TGM6: variants seen among roughly 807,000 people sequenced by gnomAD.
TGM6 encodes transglutaminase 6.
In TGM6, 74 loss-of-function variants were observed where a neutral mutation model predicts 77.5. The ratio of observed to expected loss-of-function variants is 0.96; its 90% confidence interval spans 0.79 to 1.16. The LOEUF is 1.16. TGM6 is among the 50% of genes most tolerant of loss of function. The pLI is 0.00. For missense variants in TGM6, 968 were observed against 940.2 expected (o/e 1.03, Z -0.39); for synonymous variants, 383 against 378.9 (o/e 1.01, Z -0.12).
intron 3 of TGM6, 117 bp from the exon 4 acceptor site, chr20:2,396,389 C>A: frequency 9.9e-7 from 1 of 1,010,738 alleles, no homozygotes; most frequent in Non-Finnish European, 1.6e-6. Context: ...CTCTTGACCT[C>A]TCCTGCCCCA....
intron 4 of TGM6, among the ~76,000 whole-genome samples, chr20:2,396,920 G>A (rs941600294): frequency 6.6e-6 from 1 of 152,186 alleles, no homozygotes; most frequent in Non-Finnish European, 1.5e-5. Context: ...CAGAATCCCA[G>A]GAGGGATGGC....
chr20:2,403,432 G>T lies in TGM6; in HGVS notation c.1025G>T (p.Arg342Leu). The change falls in exon 8 of 13, where the codon CGG becomes CTG. Residue 342 changes from arginine (R) to leucine (L), a missense_variant. By Grantham distance (102) the Arg-to-Leu change is moderately radical. Transcript: ENST00000202625. ...GTCTGGAATGAGAGCTGGTTTGCCC[G>T]GCAGGACCTAGGCCCCTCTTACAAT... ...FHVWNESWFA[R>L]QDLGPSYNGW... 1 of 1,614,092 alleles carries T rather than the reference G, an allele frequency of 6.2e-7. No individual in the cohort carries two copies.
At chr20:2,393,471 G>C (rs551890973) in intron 1 of TGM6, among the ~76,000 whole-genome samples, 1 of 152,294 alleles carries the variant, frequency 6.6e-6, no homozygotes, top group South Asian at 2.1e-4. Flanking sequence ...GAACATTCAG[G>C]CATGAACTAT....
At chr20:2,384,920 T>C (rs1279011487) in intron 1 of TGM6, among the ~76,000 whole-genome samples, 1 of 149,256 alleles carries the variant, frequency 6.7e-6, no homozygotes, top group Non-Finnish European at 1.5e-5. Context: ...TCATCCTGCA[T>C]ACCCCAAGGG....
intron 10 of TGM6, among the ~76,000 whole-genome samples, chr20:2,417,904 G>C (rs1276465414): frequency 6.6e-6 from 1 of 152,174 alleles, no homozygotes; most frequent in East Asian, 1.9e-4. Context: ...AGCATATATG[G>C]AATATGCCAT....
chr20:2,406,714 A>G (rs1416897609), intron 9 of TGM6, among the ~76,000 whole-genome samples: 2 of 151,478 alleles, frequency 1.3e-5, no homozygotes, highest in African/African-American at 4.8e-5. Flanking sequence ...CCATGCCTGT[A>G]ATCCCAGCTA....
At chr20:2,384,085 C>A (rs9679998) in intron 1 of TGM6, among the ~76,000 whole-genome samples, 1 of 133,300 alleles carries the variant, frequency 7.5e-6, no homozygotes, top group East Asian at 2.2e-4. Flanking sequence ...CCAGCCTGGG[C>A]GACAGAGTGA....
intron 10 of TGM6, among the ~76,000 whole-genome samples, chr20:2,419,805 G>A (rs1358768987): frequency 2.0e-5 from 3 of 152,004 alleles, no homozygotes; most frequent in Non-Finnish European, 4.4e-5. Context: ...TTTCTTTTAG[G>A]TAGTTATCAG....
chr20:2,395,298 ACT>A lies in TGM6; in HGVS notation c.289_290del (p.Leu97AspfsTer86), dbSNP rs764042831. 72 of 1,613,872 alleles carry A rather than the reference ACT, an allele frequency of 4.5e-5. 2 individuals carry two copies. The South Asian group carries it at 7.1e-4, about 16-fold the overall frequency. On this transcript the variant is annotated frameshift_variant, in exon 3 of 13. Transcript: ENST00000202625. LOFTEE classifies it high-confidence loss of function. ...AGCAAGGGAGGCTCAGATGGAGAAA[ACT>A]CTGACCGTCAGTCTCGCCAGCCCTC... ...TAAREAQMEK[T>X]LTVSLASPPS...
intron 9 of TGM6, among the ~76,000 whole-genome samples, chr20:2,412,779 C>A (rs2084792304): frequency 6.6e-6 from 1 of 151,954 alleles, no homozygotes; most frequent in Non-Finnish European, 1.5e-5. Context: ...AATCCATTTA[C>A]AATAGCATCA....
Position 2,430,946 on chromosome 20 carries a change from TC to T in TGM6, c.1887del (p.Asn630ThrfsTer4), listed in dbSNP as rs1465824933. On this transcript the variant is annotated frameshift_variant, in exon 12 of 13. Transcript: ENST00000202625. LOFTEE classifies it high-confidence loss of function. ...GVAVTVEVTV[V>X]NPLIERVKDC... ...GCAGTTACAGTGGAAGTGACAGTAGTCAACCCCCTCATAGAGAGAGTGAAGG... is the reference window on the plus strand; with the variant it reads ...GCAGTTACAGTGGAAGTGACAGTAGTAACCCCCTCATAGAGAGAGTGAAGG... The T allele has an allele frequency of 1.9e-6, 3 of 1,613,994 alleles. No individual in the cohort carries two copies. The African/African-American group carries it at 4.0e-5, about 22-fold the overall frequency.
chr20:2,428,157 T>C (rs1433403339), intron 10 of TGM6, among the ~76,000 whole-genome samples: 2 of 152,210 alleles, frequency 1.3e-5, no homozygotes, highest in Non-Finnish European at 2.9e-5. Context: ...CAGAATGTGA[T>C]CCTTTTTGGT....
chr20:2,388,350 G>A (rs1038852417), intron 1 of TGM6, among the ~76,000 whole-genome samples: 10 of 152,164 alleles, frequency 6.6e-5, no homozygotes, highest in Non-Finnish European at 1.2e-4. Context: ...TGAAGCTCAC[G>A]TTGAATTTTA....
intron 10 of TGM6, among the ~76,000 whole-genome samples, chr20:2,419,378 G>A (rs979394944): frequency 1.3e-5 from 2 of 152,180 alleles, no homozygotes; most frequent in Admixed American, 6.6e-5. Context: ...TATGAAGGAG[G>A]TGTCACACTT....
intron 5 of TGM6, among the ~76,000 whole-genome samples, chr20:2,398,304 G>A (rs910466512): frequency 6.6e-5 from 10 of 152,124 alleles, no homozygotes; most frequent in Non-Finnish European, 1.3e-4. Context: ...CTTAATGACT[G>A]CATATGTCTG....
At chr20:2,429,911 G>A in intron 10 of TGM6, among the ~76,000 whole-genome samples, 1 of 152,224 alleles carries the variant, frequency 6.6e-6, no homozygotes, top group East Asian at 1.9e-4. Flanking sequence ...CTGGGAGGAG[G>A]TGTCAGTGAA....
intron 9 of TGM6, among the ~76,000 whole-genome samples, chr20:2,415,650 C>A (rs1438784043): frequency 6.6e-6 from 1 of 152,022 alleles, no homozygotes; most frequent in Non-Finnish European, 1.5e-5. Flanking sequence ...TCAGCAGGAC[C>A]TGGTGAGGGC....
intron 10 of TGM6, among the ~76,000 whole-genome samples, chr20:2,422,355 A>G (rs1001726992): frequency 1.3e-5 from 2 of 152,110 alleles, no homozygotes; most frequent in South Asian, 2.1e-4. Flanking sequence ...TTCCTTTGCT[A>G]CTTTGTCAAA....
intron 7 of TGM6, among the ~76,000 whole-genome samples, chr20:2,402,861 T>TG (rs1692647139): frequency 6.6e-6 from 1 of 152,246 alleles, no homozygotes; most frequent in Non-Finnish European, 1.5e-5. Flanking sequence ...TTCTGCTCCT[T>TG]GAACACACAA....
Sources: gnomAD v4.1 joint callset for allele counts (sites outside exome capture counted in the v4.1 genomes callset) on GRCh38, gnomAD v4.1.1 for gene constraint, MANE v1.5 for transcripts, NCBI Gene and HGNC (gene_info 2026-07-23, HGNC 2026-07-21) for gene names.